CCDC33: variants seen among roughly 807,000 people sequenced by gnomAD.
CCDC33 encodes coiled-coil domain containing 33.
CCDC33 carries 94 observed loss-of-function variants against 91.9 expected under a neutral mutation model. The observed-to-expected ratio is 1.02, with a 90% CI of 0.87 to 1.21. The LOEUF is 1.21. Ranked by LOEUF, CCDC33 falls within the 50% of genes most tolerant of loss-of-function variation. The pLI is 0.00. For synonymous variants in CCDC33, 396 were observed against 374.5 expected (o/e 1.06, Z -0.66); for missense variants, 940 against 935.5 (o/e 1.00, Z -0.06).
Position 74,264,740 on chromosome 15 carries a change from G to A in CCDC33, c.320-1938G>A, listed in dbSNP as rs187565930. On this transcript the variant is annotated intron_variant, in intron 3 of 18. Coordinates refer to ENST00000398814, the MANE Select transcript of CCDC33 (RefSeq NM_025055.5). ...AGAGAAGGAAAATAGTGACAACCACGAGGAGCATTTGCACAGAATGTTACA... is the reference window on the plus strand; with the variant it reads ...AGAGAAGGAAAATAGTGACAACCACAAGGAGCATTTGCACAGAATGTTACA... Among the ~76,000 whole-genome samples, 25 of 152,248 alleles carry A rather than the reference G, an allele frequency of 1.6e-4. No homozygotes were observed. In the East Asian group the frequency reaches 4.2e-3, roughly 26 times the overall value.
intron 7 of CCDC33, 119 bp downstream of exon 7, chr15:74,273,010 C>G: frequency 7.5e-7 from 1 of 1,329,040 alleles, no homozygotes. Context: ...GACTGAATCC[C>G]ACGGCATACC....
upstream of CCDC33, chr15:74,212,682 T>C (rs2074379330): frequency 6.6e-6 from 1 of 152,146 alleles, no homozygotes; most frequent in Non-Finnish European, 1.5e-5. Context: ...ATGCAGCCTG[T>C]TGGAACTCAG....
In CCDC33 at chr15:74,244,788, G is replaced by T. The variant is rs1302141656; in HGVS notation, c.185+640G>T. Among the ~76,000 whole-genome samples, 1 of 152,182 alleles carries T rather than the reference G, an allele frequency of 6.6e-6. No homozygotes were observed. Among genetic ancestry groups the T allele is most frequent in the African/African-American group, 2.4e-5 (1 of 41,454 alleles). ...CAAGGGGCAACACAATCTCCATCCA[G>T]CCAACCTTCGCTGGGGACACTGAAT... On this transcript the variant is annotated intron_variant, in intron 2 of 18. Coordinates refer to ENST00000398814, the MANE Select transcript of CCDC33 (RefSeq NM_025055.5). The surrounding 1 kb of genome is among the most constrained non-coding windows in gnomAD (Gnocchi z 4.2).
At chr15:74,225,800 G>A (rs757394116) in intron 2 of CCDC33, among the ~76,000 whole-genome samples, 12 of 152,152 alleles carry the variant, frequency 7.9e-5, no homozygotes, top group Admixed American at 2.6e-4. Flanking sequence ...GGAGCAGCAG[G>A]GTAGGAAGGC....
chr15:74,286,143 G>A (rs920691216), intron 10 of CCDC33, among the ~76,000 whole-genome samples: 1 of 152,198 alleles, frequency 6.6e-6, no homozygotes, highest in African/African-American at 2.4e-5. Flanking sequence ...CTACTTGGGA[G>A]GCTGAGGCAG....
At chr15:74,264,215 G>A (rs1426911120) in intron 3 of CCDC33, among the ~76,000 whole-genome samples, 1 of 151,208 alleles carries the variant, frequency 6.6e-6, no homozygotes, top group African/African-American at 2.4e-5. Flanking sequence ...GGGGGAGATG[G>A]AGGCCAGGCC....
At chr15:74,299,661 C>G (rs1018726422) in intron 11 of CCDC33, 3 of 152,298 alleles carry the variant, frequency 2.0e-5, no homozygotes, top group African/African-American at 7.2e-5. Flanking sequence ...GGCCTGTATG[C>G]TCAGTCAACC....
chr15:74,249,937 C>T (rs1385577005), intron 2 of CCDC33, among the ~76,000 whole-genome samples: 8 of 152,156 alleles, frequency 5.3e-5, no homozygotes, highest in Admixed American at 1.3e-4. Flanking sequence ...CCCCTATGGC[C>T]ACATCTCTTG....
chr15:74,203,570 G>C (rs1230975306), intron 1 of CCDC33, among the ~76,000 whole-genome samples: 1 of 152,254 alleles, frequency 6.6e-6, no homozygotes, highest in Admixed American at 6.5e-5. Flanking sequence ...GACCCTGTCA[G>C]CTAAGGCAGT....
intron 11 of CCDC33, among the ~76,000 whole-genome samples, chr15:74,322,488 C>A (rs1380788388): frequency 6.6e-6 from 1 of 152,208 alleles, no homozygotes; most frequent in Non-Finnish European, 1.5e-5. Flanking sequence ...CTGGAGCTAA[C>A]CCAGGATAGA....
intron 10 of CCDC33, among the ~76,000 whole-genome samples, chr15:74,290,064 C>T (rs1446911413): frequency 6.6e-6 from 1 of 152,178 alleles, no homozygotes; most frequent in Non-Finnish European, 1.5e-5. Flanking sequence ...TTGGGATTTC[C>T]CCCCTTCTGA....
chr15:74,317,283 C>T (rs1416468420), intron 11 of CCDC33, among the ~76,000 whole-genome samples: 2 of 152,172 alleles, frequency 1.3e-5, no homozygotes, highest in African/African-American at 2.4e-5. Flanking sequence ...ATGGCATGAA[C>T]CCGGGAGGCG....
chr15:74,289,373 T>G (rs529936185), intron 10 of CCDC33, among the ~76,000 whole-genome samples: 1 of 152,336 alleles, frequency 6.6e-6, no homozygotes, highest in African/African-American at 2.4e-5. Flanking sequence ...AGAGGCATAC[T>G]GCTTCCAATT....
chr15:74,271,996 C>A (rs2076331677), intron 6 of CCDC33, among the ~76,000 whole-genome samples: 1 of 152,160 alleles, frequency 6.6e-6, no homozygotes, highest in African/African-American at 2.4e-5. Context: ...CCAGGGAGAG[C>A]CCAGGCCCCT....
At chr15:74,285,006 C>A (rs2059444291) in intron 10 of CCDC33, among the ~76,000 whole-genome samples, 1 of 152,268 alleles carries the variant, frequency 6.6e-6, no homozygotes, top group Non-Finnish European at 1.5e-5. Context: ...GTCCTGTGGA[C>A]ACTCCAGCTG....
intron 7 of CCDC33, among the ~76,000 whole-genome samples, chr15:74,279,383 T>C (rs1328160644): frequency 6.6e-6 from 1 of 152,152 alleles, no homozygotes; most frequent in Non-Finnish European, 1.5e-5. Context: ...ACACAAAATA[T>C]ACACAGAAAA....
At chr15:74,268,084 C>T (rs938537239) in intron 4 of CCDC33, among the ~76,000 whole-genome samples, 7 of 152,198 alleles carry the variant, frequency 4.6e-5, no homozygotes, top group African/African-American at 1.7e-4. Context: ...CAACCCAGGC[C>T]TTGTTATCAC....
At chr15:74,335,796 A>C in intron 18 of CCDC33, 129 bp from the exon 19 acceptor site, 1 of 734,992 alleles carries the variant, frequency 1.4e-6, no homozygotes, top group East Asian at 2.5e-5. Flanking sequence ...TGGGTTTAGA[A>C]ATCTTTGCCA....
intron 3 of CCDC33, 42 bp downstream of exon 3, chr15:74,262,615 G>A: frequency 6.3e-7 from 1 of 1,588,160 alleles, no homozygotes; most frequent in Non-Finnish European, 8.6e-7. Flanking sequence ...CAGGCAGGGT[G>A]TGAACACAGC....
Sources: allele counts gnomAD v4.1 joint callset (sites outside exome capture counted in the v4.1 genomes callset), GRCh38; gene constraint gnomAD v4.1.1; non-coding constraint Gnocchi (gnomAD v3.1); transcripts MANE v1.5; gene names NCBI Gene and HGNC (gene_info 2026-07-23, HGNC 2026-07-21).